XXYLT1: variants seen among roughly 807,000 people sequenced by gnomAD.
XXYLT1 encodes UDP-xylose:alpha-xyloside alpha-1,3-xylosyltransferase.
Under a neutral mutation model 28.9 loss-of-function variants are expected in XXYLT1, and 20 were observed. The ratio of observed to expected loss-of-function variants is 0.69; its 90% CI spans 0.49 to 1.00. XXYLT1 has a LOEUF of 1.00. Ranked by LOEUF, XXYLT1 falls within the 50% of genes least tolerant of loss-of-function variation. The pLI is 0.00. For synonymous variants in XXYLT1, 257 were observed against 253.8 expected (o/e 1.01, Z -0.12); for missense variants, 542 against 560.1 (o/e 0.97, Z 0.33).
chr3:195,262,320 G>C (rs1484391568), intron 1 of XXYLT1, among the ~76,000 whole-genome samples: 2 of 152,164 alleles, frequency 1.3e-5, no homozygotes, highest in East Asian at 3.8e-4. Flanking sequence ...TAGTCTCTAG[G>C]GGCAGGGGAG....
rs1313204318 is a variant in XXYLT1, at chr3:195,270,676, A to G, written c.383T>C (p.Leu128Pro). 2 of 1,584,642 alleles carry G rather than the reference A, an allele frequency of 1.3e-6. No homozygotes were observed. Among genetic ancestry groups the G allele is most frequent in the Non-Finnish European group, 1.7e-6 (2 of 1,170,904 alleles). Residue 128 changes from leucine (L) to proline (P), a missense_variant, in exon 1 of 4, where the codon CTC (leucine) becomes CCC (proline). Transcript: ENST00000310380. ...ARVALRSLLR[L>P]AKFEAHEVLN... ...CACCTCGTGCGCCTCGAACTTGGCG[A>G]GGCGCAGCAGTGAGCGCAGCGCGAC...
chr3:195,100,768 T>G (rs1323480741), intron 3 of XXYLT1, among the ~76,000 whole-genome samples: 1 of 152,236 alleles, frequency 6.6e-6, no homozygotes, highest in African/African-American at 2.4e-5. Flanking sequence ...CCCCCAAGCC[T>G]TGGACTATGT....
intron 3 of XXYLT1, among the ~76,000 whole-genome samples, chr3:195,080,440 C>T (rs923592864): frequency 4.6e-5 from 7 of 151,874 alleles, no homozygotes; most frequent in South Asian, 2.1e-4. Flanking sequence ...ACCACAGAGC[C>T]GGCAGCCAAA....
intron 3 of XXYLT1, among the ~76,000 whole-genome samples, chr3:195,106,828 T>C (rs1717120867): frequency 6.6e-6 from 1 of 152,196 alleles, no homozygotes; most frequent in South Asian, 2.1e-4. Flanking sequence ...TGAGACAGAA[T>C]GGAACCCTGG....
rs985820368 is a variant in XXYLT1 at position 195,076,804 on chromosome 3, C to T, written c.786-6693G>A. Among the ~76,000 whole-genome samples, 7 of 152,160 alleles carry T rather than the reference C, an allele frequency of 4.6e-5. No homozygotes were observed. The highest frequency in any genetic ancestry group is 3.9e-4 in the East Asian group (2 of 5,192). The stretch of plus-strand genomic sequence containing the variant: ...TCACATGGCGTTCTCCCTGCGTGCA[C>T]GTGCCTCTGTGTCCACATTGCCCCT... On this transcript the variant is annotated intron_variant, in intron 3 of 3. Coordinates refer to ENST00000310380, the MANE Select transcript of XXYLT1 (RefSeq NM_152531.5). This position sits in a 1 kb window ranked among gnomAD's most constrained non-coding sequence, Gnocchi z 5.3.
At chr3:195,111,045 G>A (rs1045295044) in intron 3 of XXYLT1, among the ~76,000 whole-genome samples, 5 of 152,024 alleles carry the variant, frequency 3.3e-5, no homozygotes, top group African/African-American at 9.7e-5. Context: ...AGTCCTGGAG[G>A]CTAGAAGTCT....
chr3:195,180,578 C>T lies in XXYLT1; in HGVS notation c.653-23997G>A, dbSNP rs1721899717. On this transcript the variant is annotated intron_variant, in intron 2 of 3. Transcript: ENST00000310380. The surrounding 1 kb of genome is among the most constrained non-coding windows in gnomAD (Gnocchi z 5.8). Reference sequence around the variant, plus strand: ...CTGAGGCCAGACCCTAAGGCCCTTCCCAGCCCTCTCCAGAGCGTGATGTGG... The same window carrying T: ...CTGAGGCCAGACCCTAAGGCCCTTCTCAGCCCTCTCCAGAGCGTGATGTGG... 1.2e-5 allele frequency: 12 copies of T among 984,352 alleles called. No homozygotes were observed. The highest frequency in any genetic ancestry group is 1.3e-5 in the Non-Finnish European group (11 of 828,952). The allele number at this position is 984,352 out of a possible 1,614,324, so 61.0% of individuals were successfully genotyped here.
chr3:195,132,660 T>C (rs1291174196), intron 3 of XXYLT1, among the ~76,000 whole-genome samples: 2 of 152,182 alleles, frequency 1.3e-5, no homozygotes, highest in African/African-American at 4.8e-5. Context: ...ACTGGGGAGA[T>C]GGATACACCT....
intron 2 of XXYLT1, among the ~76,000 whole-genome samples, chr3:195,201,656 C>G (rs2108765346): frequency 6.6e-6 from 1 of 152,242 alleles, no homozygotes; most frequent in South Asian, 2.1e-4. Flanking sequence ...GATAAAACAC[C>G]CATGCTGGCT....
chr3:195,097,789 GAGAAAAGACCCTC>G (rs1716531338), intron 3 of XXYLT1, among the ~76,000 whole-genome samples: 1 of 152,116 alleles, frequency 6.6e-6, no homozygotes, highest in Non-Finnish European at 1.5e-5. Flanking sequence ...AGTGTGAGTG[GAGAAAAGACCCTC>G]ACACAAATGC....
intron 3 of XXYLT1, among the ~76,000 whole-genome samples, chr3:195,101,299 C>G (rs916276842): frequency 2.6e-5 from 4 of 152,214 alleles, no homozygotes; most frequent in Non-Finnish European, 4.4e-5. Context: ...AACACTGTAC[C>G]CCCACTGCCA....
intron 2 of XXYLT1, among the ~76,000 whole-genome samples, chr3:195,194,181 A>G (rs1722533587): frequency 6.6e-6 from 1 of 151,634 alleles, no homozygotes; most frequent in Non-Finnish European, 1.5e-5. Context: ...CATCCAGGTT[A>G]TATAAGGAAT....
Position 195,255,014 on chromosome 3 carries a change from A to G in XXYLT1, c.504+15541T>C, listed in dbSNP as rs1725424676. Among the ~76,000 whole-genome samples the G allele has an allele frequency of 6.6e-6, 1 of 152,164 alleles. No individual in the cohort carries two copies. The highest frequency in any genetic ancestry group is 1.9e-4 in the East Asian group (1 of 5,182). ...ACGCCCATTCCCACACCCGCTGCAC[A>G]GGAAAGAGAAAGAAGTCAGACTCGG... is the stretch of plus-strand genomic sequence containing the variant. On this transcript the variant is annotated intron_variant, in intron 1 of 3. Transcript: ENST00000310380. This position sits in a 1 kb window ranked among gnomAD's most constrained non-coding sequence, Gnocchi z 4.5.
At chr3:195,213,265 T>TTC (rs1471472301) in intron 2 of XXYLT1, among the ~76,000 whole-genome samples, 33 of 132,812 alleles carry the variant, frequency 2.5e-4, no homozygotes, top group East Asian at 5.9e-4. Context: ...CTTTCTTTCT[T>TTC]TTTTTTTTTT....
chr3:195,270,952 C>T lies in XXYLT1; in HGVS notation c.107G>A (p.Cys36Tyr), dbSNP rs1375467047. ...ALLLAAALAV[C>Y]AFYYLGSGRE... is the part of the protein sequence containing the mutation. ...GCCTGAGCCGAGGTAGTAGAAGGCGCAGACGGCCAGCGCCGCGGCCAGCAG... is the reference window on the plus strand; with the variant it reads ...GCCTGAGCCGAGGTAGTAGAAGGCGTAGACGGCCAGCGCCGCGGCCAGCAG... Residue 36 changes from cysteine (C) to tyrosine (Y), a missense_variant, in exon 1 of 4, where the codon TGC becomes TAC. Cys to Tyr is a radical substitution (Grantham distance 194). Coordinates refer to ENST00000310380, the MANE Select transcript of XXYLT1 (RefSeq NM_152531.5). 6.7e-7 allele frequency: 1 copy of T among 1,488,952 alleles called. No individual in the cohort carries two copies. The highest frequency in any genetic ancestry group is 1.5e-5 in the African/African-American group (1 of 68,436). 92.2% of individuals were successfully genotyped at this position (1,488,952 alleles called of 1,614,324 possible).
chr3:195,072,825 G>A (rs1714898593), intron 3 of XXYLT1, among the ~76,000 whole-genome samples: 1 of 152,174 alleles, frequency 6.6e-6, no homozygotes, highest in African/African-American at 2.4e-5. Context: ...AGGGAATGGT[G>A]GGTTTCTCTG....
intron 3 of XXYLT1, among the ~76,000 whole-genome samples, chr3:195,131,008 A>T (rs1718877717): frequency 6.6e-6 from 1 of 152,166 alleles, no homozygotes; most frequent in African/African-American, 2.4e-5. Context: ...AGACCTGCAA[A>T]TTCTGCAAGC....
At chr3:195,227,972 T>C (rs563064391) in intron 1 of XXYLT1, among the ~76,000 whole-genome samples, 2 of 152,296 alleles carry the variant, frequency 1.3e-5, no homozygotes, top group East Asian at 3.9e-4. Flanking sequence ...CCACAGGTCT[T>C]GCAAGTTTTT....
At chr3:195,186,272 C>T (rs1324972208) in intron 2 of XXYLT1, among the ~76,000 whole-genome samples, 2 of 152,212 alleles carry the variant, frequency 1.3e-5, no homozygotes, top group Non-Finnish European at 2.9e-5. Flanking sequence ...AGGTCCATCC[C>T]ACAGAAGAAC....
Sources: gnomAD v4.1 joint callset for allele counts (sites outside exome capture counted in the v4.1 genomes callset) on GRCh38, gnomAD v4.1.1 for gene constraint, Gnocchi (gnomAD v3.1) non-coding constraint, MANE v1.5 for transcripts, NCBI Gene and HGNC (gene_info 2026-07-23, HGNC 2026-07-21) for gene names.